LSM14B: variants seen among roughly 807,000 people sequenced by gnomAD.
The protein encoded by LSM14B is protein LSM14 homolog B.
Under a neutral mutation model 42.1 loss-of-function variants are expected in LSM14B, and 8 were observed. That is an observed-to-expected ratio of 0.19 (90% CI 0.11 to 0.34). The LOEUF (loss-of-function observed/expected upper bound fraction) is 0.34. LSM14B is among the 10% of genes least tolerant of loss of function. The pLI, the probability that LSM14B is intolerant of heterozygous loss-of-function variation, is 1.00. For synonymous variants in LSM14B, 219 were observed against 209.7 expected, an observed-to-expected ratio of 1.04 and a Z score of -0.38; for missense variants, 396 against 513.1, an observed-to-expected ratio of 0.77 and a Z score of 2.21.
At chr20:62,126,494 T>G in intron 3 of LSM14B, 55 bp downstream of exon 3, 1 of 1,582,012 alleles carries the variant, frequency 6.3e-7, no homozygotes, top group African/African-American at 1.3e-5. Flanking sequence ...TGTCACTGAG[T>G]GGAGCGATGG....
chr20:62,130,295 A>C lies in LSM14B; in HGVS notation c.672A>C (p.Ser224=). ...ACAGAAGACCTCAGAGGAGGCGATCAGGTAACACCTGTTGCCACTTGATTT... is the reference window on the plus strand; with the variant it reads ...ACAGAAGACCTCAGAGGAGGCGATCCGGTAACACCTGTTGCCACTTGATTT... ...DENRRPQRRR[S]GNRRTRNRSR... The change falls in exon 5 of 9, where the codon TCA becomes TCC. Residue 224 remains serine, a splice_region_variant and synonymous_variant. Transcript: ENST00000279068. This position sits in a 1 kb window ranked among gnomAD's most constrained non-coding sequence, Gnocchi z 4.1. The C allele has an allele frequency of 6.3e-7, 1 of 1,591,422 alleles. No individual in the cohort carries two copies. Among genetic ancestry groups the C allele is most frequent in the Non-Finnish European group, 8.6e-7 (1 of 1,168,936 alleles).
Position 62,135,229 on chromosome 20 carries a change from C to T in LSM14B, c.*1081C>T, listed in dbSNP as rs1484811925. 2.6e-5 allele frequency: 4 copies of T among 152,104 alleles called. No individual in the cohort carries two copies. The highest frequency in any genetic ancestry group is 9.7e-5 in the African/African-American group (4 of 41,416). The allele number at this position is 152,104 out of a possible 1,614,324, so 9.4% of individuals were successfully genotyped here. A position where few individuals can be genotyped will look rare whatever the true frequency, so the allele number is the denominator to read the frequency against. On this transcript the variant is annotated 3_prime_UTR_variant, in exon 9 of 9. Transcript: ENST00000279068. ...TAAACCCCTCTAATAGCTATAAAGG[C>T]TTTAGTTCTGTATTGATTAAGTTAC...
chr20:62,122,717 C>T lies in LSM14B; in HGVS notation c.51C>T (p.Ile17=). 2.0e-6 allele frequency: 3 copies of T among 1,521,494 alleles called. No homozygotes were observed. The highest frequency in any genetic ancestry group is 2.7e-6 in the Non-Finnish European group (3 of 1,129,632). 94.2% of individuals were successfully genotyped at this position (1,521,494 alleles called of 1,614,324 possible). The part of the protein sequence containing the change: ...TPYLGSKISL[I]SKAQIRYEGI... ...ATCTGGGCAGCAAGATCAGCCTCATCTCCAAGGCGCAGATCCGCTACGAGG... is the reference window on the plus strand; with the variant it reads ...ATCTGGGCAGCAAGATCAGCCTCATTTCCAAGGCGCAGATCCGCTACGAGG... The change falls in exon 1 of 9, where the codon ATC becomes ATT. Residue 17 remains isoleucine, a synonymous_variant. Coordinates refer to ENST00000279068, the MANE Select transcript of LSM14B (RefSeq NM_144703.3). The surrounding 1 kb of genome is among the most constrained non-coding windows in gnomAD (Gnocchi z 4.6).
intron 7 of LSM14B, 61 bp from the exon 8 acceptor site, chr20:62,133,229 G>C (rs2056817436): frequency 6.3e-7 from 1 of 1,586,744 alleles, no homozygotes; most frequent in Non-Finnish European, 8.6e-7. Context: ...CTGAGGACGA[G>C]GCCTGGCCAG....
rs777826594 is a variant in LSM14B at position 62,126,318 on chromosome 20, T to C, written c.306T>C (p.Ser102=). 1 of 1,613,816 alleles carries C rather than the reference T, an allele frequency of 6.2e-7. No homozygotes were observed. Among genetic ancestry groups the C allele is most frequent in the African/African-American group, 1.3e-5 (1 of 74,956 alleles). Reference sequence around the variant, plus strand: ...TCGTTGTTCAGTCTTCCCTGGGTTCTGCCTCCGCCTCGCCCTTCCAGCCGC... The same window carrying C: ...TCGTTGTTCAGTCTTCCCTGGGTTCCGCCTCCGCCTCGCCCTTCCAGCCGC... ...DPAIVQSSLG[S]ASASPFQPHV... The change falls in exon 3 of 9, where the codon TCT becomes TCC. Residue 102 remains serine, a synonymous_variant. Coordinates refer to ENST00000279068, the MANE Select transcript of LSM14B (RefSeq NM_144703.3).
chr20:62,128,854 G>T, intron 3 of LSM14B: 1 of 854,930 alleles, frequency 1.2e-6, no homozygotes, highest in Non-Finnish European at 1.7e-6. Flanking sequence ...TTCCGTAAAA[G>T]CAGTAAGATG....
At position 62,134,310 on chromosome 20, in the gene LSM14B, A is replaced by T. The variant is rs1336894602; in HGVS notation, c.*162A>T. The T allele has an allele frequency of 2.1e-6, 1 of 471,842 alleles. No homozygotes were observed. The highest frequency in any genetic ancestry group is 4.4e-6 in the Non-Finnish European group (1 of 227,198). 29.2% of individuals were successfully genotyped at this position (471,842 alleles called of 1,614,324 possible). A position where few individuals can be genotyped will look rare whatever the true frequency, so the allele number is the denominator to read the frequency against. ...GTGTTTTGGACTTAACTGAACTTGGACATGGTCTGAGTTAGAACCACTTGT... is the reference window on the plus strand; with the variant it reads ...GTGTTTTGGACTTAACTGAACTTGGTCATGGTCTGAGTTAGAACCACTTGT... On this transcript the variant is annotated 3_prime_UTR_variant, in exon 9 of 9. Coordinates refer to ENST00000279068, the MANE Select transcript of LSM14B (RefSeq NM_144703.3).
chr20:62,126,683 C>A (rs912182445), intron 3 of LSM14B, among the ~76,000 whole-genome samples: 1 of 152,086 alleles, frequency 6.6e-6, no homozygotes. Context: ...AAAATTCATT[C>A]GAAGAGTCAG....
rs2056762396 is a variant in LSM14B at position 62,131,400 on chromosome 20, A to G, written c.880A>G (p.Thr294Ala). 6 of 1,612,158 alleles carry G rather than the reference A, an allele frequency of 3.7e-6. No homozygotes were observed. The South Asian group carries it at 4.4e-5, about 12-fold the overall frequency. ...GGAAGAGAAGGACCTGGCTGTGGTG[A>G]CCCAGAGTGCCGAAGCGCCCGCTGA... ...KGEEKDLAVVTQSAEAPAEED... is the reference protein window; with the variant it reads ...KGEEKDLAVVAQSAEAPAEED... The change falls in exon 7 of 9, where the codon ACC (threonine) becomes GCC (alanine). Residue 294 changes from threonine to alanine, a missense_variant. By Grantham distance (58) the Thr-to-Ala change is moderately conservative (BLOSUM62 0). Around this residue, in one of 3 missense-constraint regions of LSM14B, gnomAD observed 118 missense variants for 156.4 expected, o/e 0.75. Coordinates refer to ENST00000279068, the MANE Select transcript of LSM14B (RefSeq NM_144703.3).
rs961590561 is a variant in LSM14B at position 62,130,763 on chromosome 20, G to A, written c.835+72G>A. The A allele has an allele frequency of 3.1e-5, 46 of 1,500,718 alleles. No individual in the cohort carries two copies. The highest frequency in any genetic ancestry group is 5.8e-5 in the Admixed American group (3 of 51,692). 93.0% of individuals were successfully genotyped at this position (1,500,718 alleles called of 1,614,324 possible). A position where few individuals can be genotyped will look rare whatever the true frequency, so the allele number is the denominator to read the frequency against. ...AGAGAGTGTTAGGAGGAGATGCCTG[G>A]CCGGGTGTGGTGGTTCACGCCTGTA... On this transcript the variant is annotated intron_variant, in intron 6 of 8. Transcript: ENST00000279068. This position sits in a 1 kb window ranked among gnomAD's most constrained non-coding sequence, Gnocchi z 4.1.
At position 62,134,704 on chromosome 20, in the gene LSM14B, A is replaced by G. The variant is rs2056858759; in HGVS notation, c.*556A>G. 4.7e-6 allele frequency: 1 copy of G among 214,320 alleles called. No individual in the cohort carries two copies. Among genetic ancestry groups the G allele is most frequent in the Non-Finnish European group, 9.4e-6 (1 of 106,544 alleles). 13.3% of individuals were successfully genotyped at this position (214,320 alleles called of 1,614,324 possible). On this transcript the variant is annotated 3_prime_UTR_variant, in exon 9 of 9. Transcript: ENST00000279068. ...CACGGAAGGGGTTTTCCCATGGATC[A>G]TGTTGTATAAGTGAACCAGACCACC...
chr20:62,122,928 G>C lies in LSM14B; in HGVS notation c.127+135G>C. On this transcript the variant is annotated intron_variant, in intron 1 of 8. Coordinates refer to ENST00000279068, the MANE Select transcript of LSM14B (RefSeq NM_144703.3). The surrounding 1 kb of genome is among the most constrained non-coding windows in gnomAD (Gnocchi z 4.6). ...CCAGAACCCACCCAGGGCACACCCGGCCCGAGATCCCCTGCCCGCGCCTTC... is the reference window on the plus strand; with the variant it reads ...CCAGAACCCACCCAGGGCACACCCGCCCCGAGATCCCCTGCCCGCGCCTTC... 3.9e-6 allele frequency: 3 copies of C among 778,592 alleles called. No homozygotes were observed. The highest frequency in any genetic ancestry group is 5.1e-6 in the Non-Finnish European group (3 of 588,924). 48.2% of individuals were successfully genotyped at this position (778,592 alleles called of 1,614,324 possible). A position where few individuals can be genotyped will look rare whatever the true frequency, so the allele number is the denominator to read the frequency against.
At chr20:62,129,179 C>A (rs2056692618) in intron 3 of LSM14B, 1 of 344,778 alleles carries the variant, frequency 2.9e-6, no homozygotes, top group Non-Finnish European at 5.8e-6. Context: ...TCATGATGAG[C>A]CTTTGCCCTT....
intron 3 of LSM14B, chr20:62,127,987 A>C: frequency 6.5e-6 from 4 of 619,428 alleles, no homozygotes; most frequent in Non-Finnish European, 1.2e-5. Context: ...CTGTTCACAG[A>C]AAGTCATTTC....
chr20:62,126,064 A>T (rs1297353042), intron 2 of LSM14B, among the ~76,000 whole-genome samples: 1 of 152,232 alleles, frequency 6.6e-6, no homozygotes, highest in African/African-American at 2.4e-5. Context: ...CTTTCAAAAA[A>T]CAAAAAACAA....
chr20:62,133,309 G>A lies in LSM14B; in HGVS notation c.1006G>A (p.Ala336Thr). The part of the protein sequence containing the change: ...LKTSSRRTTW[A>T]EERKLNTETF... ...GTTTAGCTCCAGGCGGACGACGTGG[G>A]CCGAAGAGAGGAAGCTCAACACAGA... The change falls in exon 8 of 9, where the codon GCC becomes ACC. Residue 336 changes from alanine (A) to threonine (T), a missense_variant. Physicochemically the swap from Ala to Thr is moderately conservative, Grantham distance 58 (BLOSUM62 0). Transcript: ENST00000279068. 6.2e-7 allele frequency: 1 copy of A among 1,613,502 alleles called. No homozygotes were observed.
intron 3 of LSM14B, chr20:62,128,897 C>T (rs748963326): frequency 3.2e-6 from 4 of 1,232,950 alleles, no homozygotes; most frequent in South Asian, 1.3e-5. Flanking sequence ...TTGGGCTGTT[C>T]GTCTAATAAT....
At position 62,130,265 on chromosome 20, in the gene LSM14B, C is replaced by G. The variant is rs758553193; in HGVS notation, c.642C>G (p.Asp214Glu). The part of the protein sequence containing the change: ...AAVQAQGQVN[D>E]ENRRPQRRRS... ...TGCAAGCTCAAGGGCAGGTGAATGA[C>G]GAGAACAGAAGACCTCAGAGGAGGC... Residue 214 changes from aspartate to glutamate, a missense_variant, in exon 5 of 9, where the codon GAC (aspartate) becomes GAG (glutamate). Transcript: ENST00000279068. This position sits in a 1 kb window ranked among gnomAD's most constrained non-coding sequence, Gnocchi z 4.1. 9.4e-6 allele frequency: 15 copies of G among 1,603,860 alleles called. No homozygotes were observed. The highest frequency in any genetic ancestry group is 1.1e-5 in the Non-Finnish European group (13 of 1,175,188).
Position 62,134,338 on chromosome 20 carries a change from T to C in LSM14B, c.*190T>C. ...TGGTCTGAGTTAGAACCACTTGTTT[T>C]GGGGAAGTATTCATGGGTAACCTCT... is the stretch of plus-strand genomic sequence containing the variant. On this transcript the variant is annotated 3_prime_UTR_variant, in exon 9 of 9. Coordinates refer to ENST00000279068, the MANE Select transcript of LSM14B (RefSeq NM_144703.3). 1 of 471,794 alleles carries C rather than the reference T, an allele frequency of 2.1e-6. No homozygotes were observed. Among genetic ancestry groups the C allele is most frequent in the Non-Finnish European group, 4.4e-6 (1 of 227,184 alleles). 29.2% of individuals were successfully genotyped at this position (471,794 alleles called of 1,614,324 possible).
Sources: gnomAD v4.1 joint callset for allele counts (sites outside exome capture counted in the v4.1 genomes callset) on GRCh38, gnomAD v4.1.1 for gene constraint, gnomAD v4.1.1 regional missense constraint, Gnocchi (gnomAD v3.1) non-coding constraint, MANE v1.5 for transcripts, NCBI Gene and HGNC (gene_info 2026-07-23, HGNC 2026-07-21) for gene names.